Variants in PLXNA4 observed in about 807,000 individuals in gnomAD.
PLXNA4 encodes plexin A4.
Under a neutral mutation model 191.8 loss-of-function variants are expected in PLXNA4, and 44 were observed. That is an observed-to-expected ratio of 0.23 (90% CI 0.18 to 0.29). PLXNA4 has a LOEUF of 0.29. PLXNA4 is among the 10% of genes least tolerant of loss of function. PLXNA4 has a pLI of 1.00. For missense variants in PLXNA4, 1,800 were observed against 2,488.8 expected (o/e 0.72, Z 5.89); for synonymous variants, 1,082 against 1,009.5 (o/e 1.07, Z -1.36).
chr7:132,511,541 G>A (rs773657270), intron 1 of PLXNA4, among the ~76,000 whole-genome samples: 2 of 152,184 alleles, frequency 1.3e-5, no homozygotes, highest in African/African-American at 2.4e-5. Context: ...GGCTAAGCTG[G>A]TAGATAACAC....
intron 3 of PLXNA4, among the ~76,000 whole-genome samples, chr7:132,406,080 G>A (rs930638506): frequency 7.9e-5 from 12 of 152,190 alleles, no homozygotes; most frequent in African/African-American, 2.7e-4. Flanking sequence ...TTTGCAAAGG[G>A]ACAGACTGCC....
chr7:132,501,995 G>A (rs1385760608), intron 2 of PLXNA4, among the ~76,000 whole-genome samples: 4 of 152,200 alleles, frequency 2.6e-5, no homozygotes. Context: ...GAAAAAGCAA[G>A]CCTCGTCTAA....
intron 31 of PLXNA4, among the ~76,000 whole-genome samples, chr7:132,131,088 G>A (rs1584743445): frequency 6.6e-6 from 1 of 152,120 alleles, no homozygotes; most frequent in Non-Finnish European, 1.5e-5. Flanking sequence ...TTTTCACTTT[G>A]CCTGTTAAAA....
intron 4 of PLXNA4, among the ~76,000 whole-genome samples, chr7:132,271,546 G>T (rs1800073025): frequency 6.6e-6 from 1 of 152,140 alleles, no homozygotes; most frequent in African/African-American, 2.4e-5. Context: ...AGAGGCTGAG[G>T]CACCTCTTTG....
intron 4 of PLXNA4, among the ~76,000 whole-genome samples, chr7:132,281,015 T>C (rs1178470990): frequency 1.3e-5 from 2 of 152,106 alleles, no homozygotes; most frequent in Non-Finnish European, 2.9e-5. Context: ...GGAAATGAAG[T>C]GAGATAAAGA....
At chr7:132,561,584 T>TTCC (rs1321439531) in intron 1 of PLXNA4, among the ~76,000 whole-genome samples, 1 of 68,156 alleles carries the variant, frequency 1.5e-5, no homozygotes, top group Non-Finnish European at 2.8e-5. Flanking sequence ...CCTCCTCCTC[T>TTCC]TCCTCCTTCT....
intron 3 of PLXNA4, among the ~76,000 whole-genome samples, chr7:132,321,081 T>G (rs1802144045): frequency 6.6e-6 from 1 of 152,072 alleles, no homozygotes; most frequent in Non-Finnish European, 1.5e-5. Context: ...GGCTCCACAC[T>G]CACCGGCCAG....
chr7:132,428,272 G>A (rs1795126940), intron 3 of PLXNA4, among the ~76,000 whole-genome samples: 1 of 152,182 alleles, frequency 6.6e-6, no homozygotes, highest in Non-Finnish European at 1.5e-5. Context: ...AGATCTCATA[G>A]CAGGGACCCC....
At position 132,281,232 on chromosome 7, in the gene PLXNA4, A is replaced by C. The variant is rs935608341; in HGVS notation, c.1503+16859T>G. The stretch of plus-strand genomic sequence containing the variant: ...TTTGTTTTAATGGCTGTCATAACTG[A>C]AAAGGACACCTCACATAGACGCAGA... On this transcript the variant is annotated intron_variant, in intron 4 of 31. Coordinates refer to ENST00000321063, the MANE Select transcript of PLXNA4 (RefSeq NM_020911.2). Among the ~76,000 whole-genome samples, 3 of 152,302 alleles carry C rather than the reference A, an allele frequency of 2.0e-5. No individual in the cohort carries two copies. In the East Asian group the frequency reaches 5.8e-4, roughly 29 times the overall value.
In PLXNA4 at chr7:132,234,859, C is replaced by T. The variant is rs905869410; in HGVS notation, c.1604+6207G>A. Reference sequence around the variant, plus strand: ...GAGTTTGCTGGGTGGAAGTGGACACCAACCATTCCTCATGACTGTGTAGGC... The same window carrying T: ...GAGTTTGCTGGGTGGAAGTGGACACTAACCATTCCTCATGACTGTGTAGGC... On this transcript the variant is annotated intron_variant, in intron 5 of 31. Transcript: ENST00000321063. Among the ~76,000 whole-genome samples, 4 of 152,210 alleles carry T rather than the reference C, an allele frequency of 2.6e-5. No homozygotes were observed. In the East Asian group the frequency reaches 7.7e-4, roughly 29 times the overall value.
At chr7:132,274,761 G>C (rs1333330263) in intron 4 of PLXNA4, among the ~76,000 whole-genome samples, 1 of 138,142 alleles carries the variant, frequency 7.2e-6, no homozygotes, top group African/African-American at 2.8e-5. Context: ...CCTTCTCAGT[G>C]CATCCTTTTT....
chr7:132,204,860 G>A (rs1350166992), intron 10 of PLXNA4, among the ~76,000 whole-genome samples: 1 of 152,196 alleles, frequency 6.6e-6, no homozygotes, highest in Non-Finnish European at 1.5e-5. Flanking sequence ...AACAGACTGT[G>A]ACTTGACATT....
At chr7:132,294,204 C>G (rs1387887383) in intron 4 of PLXNA4, among the ~76,000 whole-genome samples, 1 of 152,148 alleles carries the variant, frequency 6.6e-6, no homozygotes, top group African/African-American at 2.4e-5. Context: ...CTGTGGTACT[C>G]AGGGGACGCA....
chr7:132,240,484 G>A (rs1266608694), intron 5 of PLXNA4, among the ~76,000 whole-genome samples: 2 of 152,210 alleles, frequency 1.3e-5, no homozygotes, highest in Non-Finnish European at 2.9e-5. Context: ...AGTGACTCCA[G>A]CCCAAGTGCA....
At chr7:132,202,548 T>G in intron 12 of PLXNA4, 98 bp downstream of exon 12, 1 of 1,294,324 alleles carries the variant, frequency 7.7e-7, no homozygotes, top group Non-Finnish European at 1.0e-6. Context: ...CAGTGACTAC[T>G]GGGTGACCGA....
rs539753767 is a variant in PLXNA4, at chr7:132,313,920, G to A, written c.1372-15698C>T. 1.3e-4 allele frequency among the ~76,000 whole-genome samples: 20 copies of A among 152,178 alleles called. No homozygotes were observed. The East Asian group carries it at 3.1e-3, about 24-fold the overall frequency. Reference sequence around the variant, plus strand: ...CAGATTGGAAAAGTGCCGGGGAAAGGGAAGAACACAAATCACTATTTCCTA... The same window carrying A: ...CAGATTGGAAAAGTGCCGGGGAAAGAGAAGAACACAAATCACTATTTCCTA... On this transcript the variant is annotated intron_variant, in intron 3 of 31. Coordinates refer to ENST00000321063, the MANE Select transcript of PLXNA4 (RefSeq NM_020911.2).
intron 4 of PLXNA4, 76 bp downstream of exon 4, chr7:132,298,012 GCCT>G: frequency 6.4e-7 from 1 of 1,552,164 alleles, no homozygotes; most frequent in Non-Finnish European, 8.9e-7. Flanking sequence ...TCTGCAGCTG[GCCT>G]CCTAAGGTTT....
chr7:132,358,323 C>T (rs371656212), intron 3 of PLXNA4, among the ~76,000 whole-genome samples: 3 of 152,212 alleles, frequency 2.0e-5, no homozygotes, highest in East Asian at 1.9e-4. Flanking sequence ...CACTTGTCTA[C>T]AAGGGATGCC....
chr7:132,564,097 C>A (rs1180306382), intron 1 of PLXNA4, among the ~76,000 whole-genome samples: 1 of 128,346 alleles, frequency 7.8e-6, no homozygotes. Context: ...CTTCCTCCTC[C>A]TCCTCCTCCT....
Sources: allele counts gnomAD v4.1 joint callset (sites outside exome capture counted in the v4.1 genomes callset), GRCh38; gene constraint gnomAD v4.1.1; transcripts MANE v1.5; gene names NCBI Gene and HGNC (gene_info 2026-07-23, HGNC 2026-07-21).